The following CNKSR2 variants were observed in gnomAD, a reference collection of about 807,000 sequenced individuals.
CNKSR2 encodes connector enhancer of kinase suppressor of Ras 2, also known as CNK homolog protein 2.
Under a neutral mutation model 84.4 loss-of-function variants are expected in CNKSR2, and 14 were observed. The observed-to-expected ratio is 0.17, with a 90% confidence interval of 0.11 to 0.26. CNKSR2 has a LOEUF of 0.26. CNKSR2 is among the 10% of genes least tolerant of loss of function. The pLI, the probability that CNKSR2 is intolerant of heterozygous loss-of-function variation, is 1.00. For synonymous variants in CNKSR2, 275 were observed against 277.9 expected (o/e 0.99, Z 0.10); for missense variants, 485 against 771.2 (o/e 0.63, Z 4.40).
intron 17 of CNKSR2, among the ~76,000 whole-genome samples, chrX:21,598,969 C>T (rs73451497): frequency 0.027 from 3,069 of 112,672 alleles, 97 homozygotes; most frequent in African/African-American, 0.093. Context: ...TAAGTTTATC[C>T]AAGATAGCAC....
intron 1 of CNKSR2, among the ~76,000 whole-genome samples, chrX:21,409,726 T>G (rs1601750349): frequency 9.0e-6 from 1 of 111,281 alleles, no homozygotes; most frequent in African/African-American, 3.3e-5. Flanking sequence ...TTGAGGCTAA[T>G]TTTTCGTTTA....
At chrX:21,602,837 T>C in intron 18 of CNKSR2, among the ~76,000 whole-genome samples, 1 of 112,332 alleles carries the variant, frequency 8.9e-6, no homozygotes, top group Non-Finnish European at 1.9e-5. Flanking sequence ...GTTTATAGAT[T>C]TTTTTCTGAT....
At chrX:21,470,876 C>T (rs2091189466) in intron 5 of CNKSR2, 69 bp downstream of exon 5, 3 of 564,290 alleles carry the variant, frequency 5.3e-6, no homozygotes, top group Admixed American at 3.6e-5. Context: ...AAGAGGTGAA[C>T]CATAAGAAAA....
chrX:21,533,737 T>C (rs985632161), intron 11 of CNKSR2, among the ~76,000 whole-genome samples: 1 of 111,266 alleles, frequency 9.0e-6, no homozygotes, highest in Non-Finnish European at 1.9e-5. Context: ...AATATGTACA[T>C]ACTTAAAAGA....
chrX:21,584,373 C>T (rs1353508626), intron 13 of CNKSR2, among the ~76,000 whole-genome samples: 1 of 112,460 alleles, frequency 8.9e-6, no homozygotes, highest in Non-Finnish European at 1.9e-5. Context: ...TGAGTGCCTA[C>T]TGTGCTAAGT....
At chrX:21,405,326 C>G (rs987836639) in intron 1 of CNKSR2, among the ~76,000 whole-genome samples, 1 of 111,740 alleles carries the variant, frequency 8.9e-6, no homozygotes, top group Non-Finnish European at 1.9e-5. Flanking sequence ...TCTTTTATAT[C>G]CTTCAGTGGA....
Position 21,633,830 on chromosome X carries a change from A to T in CNKSR2, c.2693-15001A>T, listed in dbSNP as rs770725641. Among the ~76,000 whole-genome samples, 3 of 112,186 alleles carry T rather than the reference A, an allele frequency of 2.7e-5. No homozygotes were observed. In the Admixed American group the frequency reaches 2.8e-4, roughly 11 times the overall value. On this transcript the variant is annotated intron_variant, in intron 20 of 21. Transcript: ENST00000379510. ...AAGGGAAAAATGAAAATTAATATAC[A>T]ATAGGGCATTTTTAAAAAGGATATT... is the stretch of plus-strand genomic sequence containing the variant.
At chrX:21,409,819 T>G (rs1569152002) in intron 1 of CNKSR2, among the ~76,000 whole-genome samples, 1 of 111,488 alleles carries the variant, frequency 9.0e-6, no homozygotes, top group Non-Finnish European at 1.9e-5. Flanking sequence ...AATTAGGGAT[T>G]TATTCAAATA....
intron 11 of CNKSR2, among the ~76,000 whole-genome samples, chrX:21,554,483 C>T (rs1348339132): frequency 9.0e-6 from 1 of 111,184 alleles, no homozygotes; most frequent in African/African-American, 3.3e-5. Flanking sequence ...TCCCTCCTCC[C>T]ACCTTCCACC....
At chrX:21,484,720 T>G (rs2091361660) in intron 5 of CNKSR2, among the ~76,000 whole-genome samples, 1 of 111,846 alleles carries the variant, frequency 8.9e-6, no homozygotes, top group Non-Finnish European at 1.9e-5. Flanking sequence ...TCCAGTATAC[T>G]TGGAAGAATA....
chrX:21,481,601 G>C (rs752649334), intron 5 of CNKSR2, among the ~76,000 whole-genome samples: 1 of 110,973 alleles, frequency 9.0e-6, no homozygotes, highest in Non-Finnish European at 1.9e-5. Flanking sequence ...GAATTTCAAG[G>C]ATGTATTTAA....
At chrX:21,491,487 C>T (rs1491001559) in intron 6 of CNKSR2, 3 of 112,063 alleles carry the variant, frequency 2.7e-5, no homozygotes, top group African/African-American at 9.7e-5. Flanking sequence ...TTTCATACAT[C>T]TATATAACTG....
At position 21,540,247 on chromosome X, in the gene CNKSR2, A is replaced by G. The variant is rs758135190; in HGVS notation, c.1303+8180A>G. Among the ~76,000 whole-genome samples the G allele has an allele frequency of 2.4e-4, 27 of 111,765 alleles. 1 individual carries two copies. Among genetic ancestry groups the G allele is most frequent in the Non-Finnish European group, 5.6e-5 (3 of 53,148 alleles). Reference sequence around the variant, plus strand: ...ATTTATGCTGGGTTTTAAATGATGAATAGCGATTTCATCCAGGGTTTTTAA... The same window carrying G: ...ATTTATGCTGGGTTTTAAATGATGAGTAGCGATTTCATCCAGGGTTTTTAA... On this transcript the variant is annotated intron_variant, in intron 11 of 21. Transcript: ENST00000379510.
At chrX:21,396,046 T>A (rs1305868606) in intron 1 of CNKSR2, among the ~76,000 whole-genome samples, 1 of 111,574 alleles carries the variant, frequency 9.0e-6, no homozygotes, top group Non-Finnish European at 1.9e-5. Flanking sequence ...CTTTCTTTTT[T>A]CCTTTTTCTA....
intron 20 of CNKSR2, among the ~76,000 whole-genome samples, chrX:21,629,833 G>A (rs2092639917): frequency 8.9e-6 from 1 of 112,196 alleles, no homozygotes; most frequent in South Asian, 3.7e-4. Flanking sequence ...CAGTATTTAT[G>A]TATTACATTT....
rs2092443798 is a variant in CNKSR2 at position 21,595,041 on chromosome X, A to G, written c.1898A>G (p.Lys633Arg). Reference protein sequence around the residue: ...FKIDRASECRKKYAFKACHPK... With the variant: ...FKIDRASECRRKYAFKACHPK... ...ATTGATAGAGCCAGTGAATGCCGCA[A>G]AAAATAGTAAGTTGATTTTATTTGG... The change falls in exon 16 of 22, where the codon AAA becomes AGA. Residue 633 changes from lysine to arginine, a missense_variant. Coordinates refer to ENST00000379510, the MANE Select transcript of CNKSR2 (RefSeq NM_014927.5). 8.5e-6 allele frequency: 10 copies of G among 1,182,326 alleles called. No individual in the cohort carries two copies. The highest frequency in any genetic ancestry group is 1.1e-5 in the Non-Finnish European group (10 of 871,976).
At position 21,374,461 on chromosome X, in the gene CNKSR2, C is replaced by T; in HGVS notation, c.-437C>T. The stretch of plus-strand genomic sequence containing the variant: ...CTAGTCGTGCTCGGGGCTTCACTCC[C>T]GCGCGTGAGGCGAGCGGGCAAGTTG... On this transcript the variant is annotated 5_prime_UTR_variant, in exon 1 of 22. Transcript: ENST00000379510. 3.0e-6 allele frequency: 1 copy of T among 333,151 alleles called. No individual in the cohort carries two copies. The highest frequency in any genetic ancestry group is 5.3e-6 in the Non-Finnish European group (1 of 189,467). 27.5% of individuals were successfully genotyped at this position (333,151 alleles called of 1,213,427 possible).
intron 1 of CNKSR2, among the ~76,000 whole-genome samples, chrX:21,380,110 A>G (rs1313175883): frequency 9.0e-6 from 1 of 111,498 alleles, no homozygotes; most frequent in Admixed American, 9.5e-5. Flanking sequence ...ACAAATCTGC[A>G]TTTCACAAAG....
intron 13 of CNKSR2, among the ~76,000 whole-genome samples, chrX:21,575,350 C>T (rs918243663): frequency 1.8e-5 from 2 of 110,294 alleles, no homozygotes; most frequent in African/African-American, 6.6e-5. Context: ...AATCAACTAT[C>T]GGTACTCCTC....
Sources: gnomAD v4.1 joint callset for allele counts (sites outside exome capture counted in the v4.1 genomes callset) on GRCh38, gnomAD v4.1.1 for gene constraint, MANE v1.5 for transcripts, NCBI Gene and HGNC (gene_info 2026-07-23, HGNC 2026-07-21) for gene names.